TAF5: variants seen among roughly 807,000 people sequenced by gnomAD.
TAF5 encodes the protein TATA-box binding protein associated factor 5, also known as transcription initiation factor TFIID subunit 5.
Under a neutral mutation model 80.9 loss-of-function variants are expected in TAF5, and 20 were observed. The ratio of observed to expected loss-of-function variants is 0.25; its 90% confidence interval spans 0.17 to 0.36. The LOEUF (loss-of-function observed/expected upper bound fraction) is 0.36, where lower values mean the gene tolerates loss of function less well. Among genes scored for constraint, TAF5 ranks in the 10% least tolerant of loss-of-function variants. The pLI, the probability that TAF5 is intolerant of heterozygous loss-of-function variation, is 1.00. For missense variants in TAF5, 863 were observed against 1,029.4 expected, an observed-to-expected ratio of 0.84 and a Z score of 2.21; for synonymous variants, 388 against 406.4, an observed-to-expected ratio of 0.95 and a Z score of 0.55.
At chr10:103,372,555 C>T (rs1033778274) in intron 1 of TAF5, among the ~76,000 whole-genome samples, 3 of 150,234 alleles carry the variant, frequency 2.0e-5, no homozygotes, top group Non-Finnish European at 4.4e-5. Flanking sequence ...AGGATGGCCT[C>T]GATCTCCTGA....
chr10:103,379,654 A>G lies in TAF5; in HGVS notation c.1160A>G (p.Asp387Gly), dbSNP rs950190702. The G allele has an allele frequency of 6.2e-7, 1 of 1,605,838 alleles. No individual in the cohort carries two copies. The highest frequency in any genetic ancestry group is 1.7e-5 in the Admixed American group (1 of 58,204). ...GAACCAGAAATTGAGGTACCTTTGG[A>G]TGACGAGGATGAAGAGGGAGAAAAT... Reference protein sequence around the residue: ...LKEPEIEVPLDDEDEEGENEE... With the variant: ...LKEPEIEVPLGDEDEEGENEE... Residue 387 changes from aspartate (D) to glycine (G), a missense_variant, in exon 4 of 11, where the codon GAT becomes GGT. Asp to Gly is a moderately conservative substitution (Grantham distance 94). Around this residue, in one of 3 missense-constraint regions of TAF5, gnomAD observed 128 missense variants for 232.2 expected, o/e 0.55. Coordinates refer to ENST00000369839, the MANE Select transcript of TAF5 (RefSeq NM_006951.5).
rs1435219320 is a variant in TAF5, at chr10:103,378,100, T to C, written c.798-135T>C. On this transcript the variant is annotated intron_variant, in intron 2 of 10. Coordinates refer to ENST00000369839, the MANE Select transcript of TAF5 (RefSeq NM_006951.5). The surrounding 1 kb of genome is among the most constrained non-coding windows in gnomAD (Gnocchi z 4.1). ...AGTCATTTTGAAATGAGTTACTTCT[T>C]ATCCTACAGCTTAGTTCAGGATTAT... 4.4e-6 allele frequency: 3 copies of C among 679,906 alleles called. No homozygotes were observed. Among genetic ancestry groups the C allele is most frequent in the East Asian group, 5.6e-5 (2 of 35,816 alleles). The allele number at this position is 679,906 out of a possible 1,614,324, so 42.1% of individuals were successfully genotyped here.
At position 103,368,544 on chromosome 10, in the gene TAF5, T is replaced by A. The variant is rs1352294387; in HGVS notation, c.555T>A (p.Gly185=). The A allele has an allele frequency of 6.6e-7, 1 of 1,514,528 alleles. No homozygotes were observed. The highest frequency in any genetic ancestry group is 8.8e-7 in the Non-Finnish European group (1 of 1,140,066). 93.8% of individuals were successfully genotyped at this position (1,514,528 alleles called of 1,614,324 possible). Residue 185 remains glycine (G), a synonymous_variant, in exon 1 of 11, where the codon GGT becomes GGA. Transcript: ENST00000369839. The part of the protein sequence containing the change: ...SGSASGPAAP[G]KVGSVAVEDQ... Reference sequence around the variant, plus strand: ...CAGCCTCAGGTCCTGCGGCTCCGGGTAAAGGTGAGCCGTGGGGTCCCGGGT... The same window carrying A: ...CAGCCTCAGGTCCTGCGGCTCCGGGAAAAGGTGAGCCGTGGGGTCCCGGGT...
At chr10:103,384,022 A>G (rs919497006) in intron 7 of TAF5, among the ~76,000 whole-genome samples, 1 of 151,868 alleles carries the variant, frequency 6.6e-6, no homozygotes, top group Non-Finnish European at 1.5e-5. Context: ...TTAGTTTTAT[A>G]GAACTCCATT....
chr10:103,368,842 T>G (rs888100596), intron 1 of TAF5, among the ~76,000 whole-genome samples: 1 of 152,210 alleles, frequency 6.6e-6, no homozygotes, highest in Non-Finnish European at 1.5e-5. Flanking sequence ...CATTTGGGCT[T>G]TTGAGCCTTG....
Position 103,378,325 on chromosome 10 carries a change from C to G in TAF5, c.888C>G (p.Thr296=), listed in dbSNP as rs1195330219. The stretch of plus-strand genomic sequence containing the variant: ...AGGAACACATGAAAGGGAATGAGAC[C>G]ATGTTGGATTTTCGAACAAGTAAAT... ...TKKEHMKGNE[T]MLDFRTSKFV... The change falls in exon 3 of 11, where the codon ACC becomes ACG. Residue 296 remains threonine, a synonymous_variant. Transcript: ENST00000369839. This position sits in a 1 kb window ranked among gnomAD's most constrained non-coding sequence, Gnocchi z 4.1. The G allele has an allele frequency of 6.2e-7, 1 of 1,614,064 alleles. No individual in the cohort carries two copies. The highest frequency in any genetic ancestry group is 8.5e-7 in the Non-Finnish European group (1 of 1,180,004).
rs2093366524 is a variant in TAF5 at position 103,374,598 on chromosome 10, A to G, written c.797+1003A>G. 6.6e-6 allele frequency among the ~76,000 whole-genome samples: 1 copy of G among 152,208 alleles called. No homozygotes were observed. The highest frequency in any genetic ancestry group is 1.5e-5 in the Non-Finnish European group (1 of 68,042). On this transcript the variant is annotated intron_variant, in intron 2 of 10. Coordinates refer to ENST00000369839, the MANE Select transcript of TAF5 (RefSeq NM_006951.5). This position sits in a 1 kb window ranked among gnomAD's most constrained non-coding sequence, Gnocchi z 4.3. ...CTGATATTCAGGTTTTCTTTTATGG[A>G]GGAAGACAGGAAAAATGGATATTTG...
chr10:103,383,658 A>G (rs541892951), intron 7 of TAF5, among the ~76,000 whole-genome samples: 66 of 148,834 alleles, frequency 4.4e-4, no homozygotes, highest in South Asian at 1.7e-3. Flanking sequence ...GGCTTACCGC[A>G]ACCTCCGCCT....
At chr10:103,370,927 C>T (rs1302720029) in intron 1 of TAF5, among the ~76,000 whole-genome samples, 2 of 151,942 alleles carry the variant, frequency 1.3e-5, no homozygotes, top group Non-Finnish European at 1.5e-5. Context: ...CATTGTAATC[C>T]GTAAATAGAA....
At chr10:103,383,954 CTTT>C in intron 7 of TAF5, among the ~76,000 whole-genome samples, 1 of 148,760 alleles carries the variant, frequency 6.7e-6, no homozygotes, top group African/African-American at 2.5e-5. Flanking sequence ...TAGTATTTCC[CTTT>C]TTTTTTTTTA....
chr10:103,368,857 G>A (rs2093352239), intron 1 of TAF5, among the ~76,000 whole-genome samples: 1 of 152,202 alleles, frequency 6.6e-6, no homozygotes, highest in African/African-American at 2.4e-5. Flanking sequence ...GCCTTGGGCA[G>A]GTCCGCATGA....
At chr10:103,385,899 T>C (rs1291846268) in intron 8 of TAF5, among the ~76,000 whole-genome samples, 1 of 111,950 alleles carries the variant, frequency 8.9e-6, no homozygotes, top group East Asian at 2.6e-4. Context: ...CACTCCAGCC[T>C]AGGGGACAAG....
intron 1 of TAF5, among the ~76,000 whole-genome samples, chr10:103,370,325 CTTTTT>C (rs758002426): frequency 3.4e-5 from 3 of 88,946 alleles, no homozygotes; most frequent in African/African-American, 8.3e-5. Context: ...GGTTATGAGG[CTTTTT>C]TTTTTTTTTT....
chr10:103,385,645 C>T (rs1262940542), intron 8 of TAF5, among the ~76,000 whole-genome samples, 155 bp downstream of exon 8: 1 of 152,036 alleles, frequency 6.6e-6, no homozygotes, highest in Admixed American at 6.5e-5. Flanking sequence ...GAAATTGGGG[C>T]CGGGCGCAGT....
intron 5 of TAF5, among the ~76,000 whole-genome samples, chr10:103,381,104 ACGCCCAGC>A (rs879625819): frequency 6.7e-6 from 1 of 149,682 alleles, no homozygotes; most frequent in Non-Finnish European, 1.5e-5. Flanking sequence ...ATGAGCCACC[ACGCCCAGC>A]TAATTTTTGT....
In TAF5 at chr10:103,388,619, G is replaced by GT. The variant is rs2093403736; in HGVS notation, c.*397dup. 1 of 163,694 alleles carries GT rather than the reference G, an allele frequency of 6.1e-6. No individual in the cohort carries two copies. The highest frequency in any genetic ancestry group is 1.3e-5 in the Non-Finnish European group (1 of 74,958). 10.1% of individuals were successfully genotyped at this position (163,694 alleles called of 1,614,324 possible). A position where few individuals can be genotyped will look rare whatever the true frequency, so the allele number is the denominator to read the frequency against. On this transcript the variant is annotated 3_prime_UTR_variant, in exon 11 of 11. Coordinates refer to ENST00000369839, the MANE Select transcript of TAF5 (RefSeq NM_006951.5). ...TTTAGCTGAAGAATCCTATGAGCAT[G>GT]TATGTTTCTGCTGTAAAAACGTAGT... is the stretch of plus-strand genomic sequence containing the variant.
intron 1 of TAF5, among the ~76,000 whole-genome samples, chr10:103,369,452 A>T (rs2093354050): frequency 6.7e-6 from 1 of 149,466 alleles, no homozygotes; most frequent in South Asian, 2.1e-4. Flanking sequence ...TCTGCCTCCC[A>T]GATTTAAGCG....
chr10:103,379,867 CT>C lies in TAF5; in HGVS notation c.1278-16del. ...TAATAGTCAAAAGGTAATTTTGACT[CT>C]CTTTTTCTTTCACAGAATCCCTCTT... On this transcript the variant is annotated splice_polypyrimidine_tract_variant and intron_variant, in intron 4 of 10. Coordinates refer to ENST00000369839, the MANE Select transcript of TAF5 (RefSeq NM_006951.5). The C allele has an allele frequency of 1.2e-6, 2 of 1,608,714 alleles. No homozygotes were observed. The highest frequency in any genetic ancestry group is 8.5e-7 in the Non-Finnish European group (1 of 1,178,500).
At position 103,385,306 on chromosome 10, in the gene TAF5, A is replaced by G; in HGVS notation, c.1665-20A>G. The stretch of plus-strand genomic sequence containing the variant: ...AAAGGTTACTCTGGGAGTCAAATAT[A>G]TCACCTTCTCTTCTCTCAGGAACTA... On this transcript the variant is annotated intron_variant, in intron 7 of 10. Coordinates refer to ENST00000369839, the MANE Select transcript of TAF5 (RefSeq NM_006951.5). 6.3e-7 allele frequency: 1 copy of G among 1,591,300 alleles called. No individual in the cohort carries two copies. The highest frequency in any genetic ancestry group is 8.6e-7 in the Non-Finnish European group (1 of 1,163,474).
Sources: gnomAD v4.1 joint callset for allele counts (sites outside exome capture counted in the v4.1 genomes callset) on GRCh38, gnomAD v4.1.1 for gene constraint, gnomAD v4.1.1 regional missense constraint, Gnocchi (gnomAD v3.1) non-coding constraint, MANE v1.5 for transcripts, NCBI Gene and HGNC (gene_info 2026-07-23, HGNC 2026-07-21) for gene names.